The following JPH3 variants were observed in gnomAD, a reference collection of about 807,000 sequenced individuals.
JPH3 encodes the protein junctophilin 3.
JPH3 carries 11 observed loss-of-function variants against 59.6 expected under a neutral mutation model. The ratio of observed to expected loss-of-function variants is 0.18; its 90% CI spans 0.12 to 0.31. JPH3 has a LOEUF of 0.31. Ranked by LOEUF, JPH3 falls within the 10% of genes least tolerant of loss-of-function variation. The probability of loss-of-function intolerance (pLI) is 1.00; values close to 1 mark genes in which losing one functional copy is unlikely to be tolerated. For synonymous variants in JPH3, 673 were observed against 483.6 expected (o/e 1.39, Z -5.14); for missense variants, 1,202 against 1,105.7 (o/e 1.09, Z -1.24).
chr16:87,604,691 A>C (rs920989608), intron 1 of JPH3: 9 of 1,137,312 alleles, frequency 7.9e-6, no homozygotes, highest in Non-Finnish European at 7.7e-6. Context: ...AGCTCGGAAC[A>C]CCTGCTCCAC....
intron 2 of JPH3, among the ~76,000 whole-genome samples, chr16:87,658,346 C>T (rs1170296324): frequency 6.6e-6 from 1 of 152,072 alleles, no homozygotes; most frequent in Non-Finnish European, 1.5e-5. Flanking sequence ...GTTTCCCTCT[C>T]TCTCTCCTTC....
chr16:87,645,167 A>G, intron 2 of JPH3, 132 bp downstream of exon 2: 3 of 933,990 alleles, frequency 3.2e-6, no homozygotes, highest in Non-Finnish European at 4.7e-6. Context: ...TGTTTCTCAA[A>G]CTATGCCCCC....
chr16:87,668,842 C>A (rs2032941701), intron 2 of JPH3, among the ~76,000 whole-genome samples: 1 of 152,150 alleles, frequency 6.6e-6, no homozygotes, highest in African/African-American at 2.4e-5. Flanking sequence ...CCCTGTGGAG[C>A]CCTAACTGGG....
At chr16:87,649,534 A>T (rs1410127264) in intron 2 of JPH3, among the ~76,000 whole-genome samples, 1 of 152,166 alleles carries the variant, frequency 6.6e-6, no homozygotes, top group Non-Finnish European at 1.5e-5. Flanking sequence ...GGGAATCGGA[A>T]TGTAAATGTG....
rs150311680 is a variant in JPH3 at position 87,626,761 on chromosome 16, G to A, written c.383-17497G>A. 4.2e-3 allele frequency among the ~76,000 whole-genome samples: 635 copies of A among 152,370 alleles called. 8 individuals are homozygous for A. The highest frequency in any genetic ancestry group is 0.015 in the African/African-American group (611 of 41,590). On this transcript the variant is annotated intron_variant, in intron 1 of 4. Coordinates refer to ENST00000284262, the MANE Select transcript of JPH3 (RefSeq NM_020655.4). ...AGGGGAAGTGGCGGGAGCGGGTGCTGGCTGGGACCAAGGGATTCTCAAGAG... is the reference window on the plus strand; with the variant it reads ...AGGGGAAGTGGCGGGAGCGGGTGCTAGCTGGGACCAAGGGATTCTCAAGAG...
At position 87,603,137 on chromosome 16, in the gene JPH3, A is replaced by T. The variant is rs762240186; in HGVS notation, c.-10A>T. Reference sequence around the variant, plus strand: ...TCACCGTTTGCGGGATCTGGAACCGAGTTACATGCATGTCCAGTGGGGGCA... The same window carrying T: ...TCACCGTTTGCGGGATCTGGAACCGTGTTACATGCATGTCCAGTGGGGGCA... On this transcript the variant is annotated 5_prime_UTR_variant, in exon 1 of 5. Coordinates refer to ENST00000284262, the MANE Select transcript of JPH3 (RefSeq NM_020655.4). The T allele has an allele frequency of 5.0e-6, 8 of 1,613,692 alleles. No homozygotes were observed. In the South Asian group the frequency reaches 8.8e-5, roughly 18 times the overall value.
At chr16:87,680,824 C>G (rs1180950155) in intron 2 of JPH3, among the ~76,000 whole-genome samples, 1 of 152,212 alleles carries the variant, frequency 6.6e-6, no homozygotes, top group African/African-American at 2.4e-5. Flanking sequence ...GTGCAGGCAC[C>G]ACGTCGTCTT....
intron 2 of JPH3, among the ~76,000 whole-genome samples, chr16:87,645,788 A>G (rs1365707608): frequency 1.3e-5 from 2 of 152,238 alleles, no homozygotes; most frequent in South Asian, 2.1e-4. Context: ...TGTGTGAGCC[A>G]GGGGCTGGTC....
chr16:87,633,193 G>T (rs985565321), intron 1 of JPH3, among the ~76,000 whole-genome samples: 2 of 152,158 alleles, frequency 1.3e-5, no homozygotes, highest in African/African-American at 4.8e-5. Flanking sequence ...AAGGTGCTGG[G>T]AGAGTTGATT....
chr16:87,604,979 C>CTG (rs756088221), intron 1 of JPH3: 63 of 449,058 alleles, frequency 1.4e-4, no homozygotes, highest in East Asian at 6.3e-4. Context: ...GGCTGTGGGC[C>CTG]TGTGTGTGTG....
chr16:87,662,175 C>G (rs189781302), intron 2 of JPH3, among the ~76,000 whole-genome samples: 10 of 152,296 alleles, frequency 6.6e-5, no homozygotes, highest in Admixed American at 1.3e-4. Flanking sequence ...CCCGAAGCGC[C>G]GGTCCCAGAG....
At chr16:87,613,311 G>C (rs1276334884) in intron 1 of JPH3, among the ~76,000 whole-genome samples, 2 of 151,726 alleles carry the variant, frequency 1.3e-5, no homozygotes, top group Non-Finnish European at 2.9e-5. Flanking sequence ...GTGTTAGCCA[G>C]GATGGTCTCG....
At chr16:87,616,145 G>A (rs573688442) in intron 1 of JPH3, among the ~76,000 whole-genome samples, 18 of 151,928 alleles carry the variant, frequency 1.2e-4, no homozygotes, top group African/African-American at 4.3e-4. Flanking sequence ...CAGGGCCCGG[G>A]AACGACATTG....
chr16:87,696,083 A>G, intron 4 of JPH3: 3 of 456,878 alleles, frequency 6.6e-6, no homozygotes, highest in Non-Finnish European at 1.3e-5. Context: ...TGTTGAGGAC[A>G]CTGTGCTCAC....
intron 2 of JPH3, among the ~76,000 whole-genome samples, chr16:87,658,137 A>G (rs1324867176): frequency 6.6e-6 from 1 of 152,156 alleles, no homozygotes; most frequent in Non-Finnish European, 1.5e-5. Flanking sequence ...AATGGGCCCA[A>G]CACCAACCTG....
rs995130361 is a variant in JPH3, at chr16:87,693,775, G to C, written c.2167-2805G>C. 3.3e-5 allele frequency: 5 copies of C among 152,594 alleles called. 1 individual carries two copies. The highest frequency in any genetic ancestry group is 3.3e-4 in the Admixed American group (5 of 15,308). The allele number at this position is 152,594 out of a possible 1,614,324, so 9.5% of individuals were successfully genotyped here. A position where few individuals can be genotyped will look rare whatever the true frequency, so the allele number is the denominator to read the frequency against. The stretch of plus-strand genomic sequence containing the variant: ...GGGAGCTGATGCCCAGCATACAGTC[G>C]GGGGTGCCCCTGCCAGGTGTGGTGC... On this transcript the variant is annotated intron_variant, in intron 4 of 4. Transcript: ENST00000284262.
chr16:87,609,852 G>A (rs556381231), intron 1 of JPH3, among the ~76,000 whole-genome samples: 2 of 152,286 alleles, frequency 1.3e-5, no homozygotes, highest in South Asian at 4.2e-4. Context: ...AGGGTTGAGG[G>A]ATGGTTTTGG....
intron 1 of JPH3, among the ~76,000 whole-genome samples, chr16:87,632,915 T>A (rs879609847): frequency 1.3e-5 from 2 of 150,862 alleles, no homozygotes; most frequent in Non-Finnish European, 2.9e-5. Flanking sequence ...AAAATTTTGG[T>A]AGAGACAGGG....
At position 87,603,088 on chromosome 16, in the gene JPH3, T is replaced by C; in HGVS notation, c.-59T>C. ...GGGCCGCCGGCGGCCGCGACTCTGC[T>C]GTGTCGATCGCCTGAGTCCGTTTTC... is the stretch of plus-strand genomic sequence containing the variant. On this transcript the variant is annotated 5_prime_UTR_variant, in exon 1 of 5. Transcript: ENST00000284262. 6.2e-7 allele frequency: 1 copy of C among 1,610,384 alleles called. No individual in the cohort carries two copies.
Sources: gnomAD v4.1 joint callset for allele counts (sites outside exome capture counted in the v4.1 genomes callset) on GRCh38, gnomAD v4.1.1 for gene constraint, MANE v1.5 for transcripts, NCBI Gene and HGNC (gene_info 2026-07-23, HGNC 2026-07-21) for gene names.